Variants in SUPV3L1 observed in about 807,000 individuals in gnomAD.
SUPV3L1 encodes ATP-dependent RNA helicase SUPV3L1, mitochondrial.
A neutral mutation model predicts 70.0 loss-of-function variants in SUPV3L1; 35 were observed. The observed-to-expected ratio is 0.50, with a 90% CI of 0.38 to 0.66. The LOEUF is 0.66. SUPV3L1 is among the 30% of genes least tolerant of loss of function. The pLI is 0.00. For synonymous variants in SUPV3L1, 364 were observed against 341.9 expected (o/e 1.06, Z -0.71); for missense variants, 777 against 961.5 (o/e 0.81, Z 2.54).
intron 1 of SUPV3L1, 95 bp downstream of exon 1, chr10:69,180,657 A>T (rs1251938378): frequency 1.3e-6 from 2 of 1,503,382 alleles, no homozygotes; most frequent in East Asian, 4.5e-5. Flanking sequence ...TGGGGATCCG[A>T]GGTCCCATCG....
intron 6 of SUPV3L1, among the ~76,000 whole-genome samples, chr10:69,193,563 T>C (rs1415037381): frequency 1.3e-5 from 2 of 149,606 alleles, no homozygotes; most frequent in Non-Finnish European, 3.0e-5. Context: ...CAAACAATCC[T>C]CCTGCCTCAC....
rs1053058395 is a variant in SUPV3L1 at position 69,199,106 on chromosome 10, A to T, written c.1207A>T (p.Thr403Ser). The T allele has an allele frequency of 6.2e-7, 1 of 1,610,188 alleles. No homozygotes were observed. The highest frequency in any genetic ancestry group is 8.5e-7 in the Non-Finnish European group (1 of 1,178,826). ...AACATAAATTGTTCTTGTTTTAGGG[A>T]CCAAACTTGCTCAAGCAAAAAAGTT... ...AVIYGSLPPG[T>S]KLAQAKKFND... The change falls in exon 10 of 15, where the codon ACC becomes TCC. Residue 403 changes from threonine to serine, a missense_variant and splice_region_variant. Physicochemically the swap from Thr to Ser is moderately conservative, Grantham distance 58. Transcript: ENST00000359655.
chr10:69,187,907 T>G (rs889833847), intron 4 of SUPV3L1, 151 bp downstream of exon 4: 1 of 587,394 alleles, frequency 1.7e-6, no homozygotes, highest in Non-Finnish European at 2.9e-6. Flanking sequence ...AGTTAACTCT[T>G]TTAGGCAATT....
chr10:69,194,703 G>A (rs1411596055), intron 6 of SUPV3L1, among the ~76,000 whole-genome samples: 2 of 149,160 alleles, frequency 1.3e-5, no homozygotes, highest in Non-Finnish European at 2.9e-5. Context: ...TTGAGCCTAG[G>A]AGTTTGAAGT....
At chr10:69,202,655 A>C in intron 12 of SUPV3L1, 136 bp downstream of exon 12, 1 of 1,121,056 alleles carries the variant, frequency 8.9e-7, no homozygotes, top group Non-Finnish European at 1.3e-6. Flanking sequence ...ACAAGTGAAA[A>C]TTTTTTCTCA....
At position 69,180,303 on chromosome 10, in the gene SUPV3L1, C is replaced by T. The variant is rs1306963622; in HGVS notation, c.12C>T (p.Ser4=). Residue 4 remains serine, a synonymous_variant, in exon 1 of 15, where the codon TCC becomes TCT. Coordinates refer to ENST00000359655, the MANE Select transcript of SUPV3L1 (RefSeq NM_003171.5). MSF[S]RALLWARLPA... The stretch of plus-strand genomic sequence containing the variant: ...AACCTGCGGCCTCGATGTCCTTCTC[C>T]CGTGCCCTATTGTGGGCTCGGCTCC... The T allele has an allele frequency of 6.2e-7, 1 of 1,613,650 alleles. No homozygotes were observed. Among genetic ancestry groups the T allele is most frequent in the Non-Finnish European group, 8.5e-7 (1 of 1,179,902 alleles).
chr10:69,185,386 G>A (rs1051551012), intron 1 of SUPV3L1, among the ~76,000 whole-genome samples: 3 of 152,168 alleles, frequency 2.0e-5, no homozygotes, highest in African/African-American at 7.2e-5. Context: ...ATGACAGTGT[G>A]GCTCTCTACC....
chr10:69,188,680 A>G (rs550854778), intron 4 of SUPV3L1, among the ~76,000 whole-genome samples: 1 of 151,862 alleles, frequency 6.6e-6, no homozygotes, highest in Admixed American at 6.6e-5. Context: ...TGTATTTTTA[A>G]TAGATACGGG....
intron 13 of SUPV3L1, 141 bp from the exon 14 acceptor site, chr10:69,207,651 AG>A (rs1842865087): frequency 3.2e-6 from 3 of 930,138 alleles, no homozygotes; most frequent in Non-Finnish European, 4.7e-6. Context: ...AATGTAGAAG[AG>A]TATAAAGGAG....
chr10:69,186,172 C>T (rs1842222987), intron 2 of SUPV3L1, 108 bp downstream of exon 2: 5 of 994,168 alleles, frequency 5.0e-6, no homozygotes, highest in South Asian at 2.9e-5. Context: ...TCTGGAGACA[C>T]GTCCCTGCTC....
intron 8 of SUPV3L1, among the ~76,000 whole-genome samples, chr10:69,197,603 TCTGTTACC>T (rs1306857784): frequency 6.6e-6 from 1 of 152,176 alleles, no homozygotes; most frequent in Non-Finnish European, 1.5e-5. Context: ...AAGGTCTCAC[TCTGTTACC>T]CAGGCTGGAG....
In SUPV3L1 at chr10:69,200,327, A is replaced by G. The variant is rs765353374; in HGVS notation, c.1346A>G (p.Asn449Ser). The G allele has an allele frequency of 1.6e-5, 26 of 1,614,054 alleles. 1 individual carries two copies. The Middle Eastern group carries it at 6.6e-4, about 41-fold the overall frequency. ...TACTCCCTTATAAAGCCCAGTATCAATGAAAAGGGAGAGAGAGAACTAGAA... is the reference window on the plus strand; with the variant it reads ...TACTCCCTTATAAAGCCCAGTATCAGTGAAAAGGGAGAGAGAGAACTAGAA... ...IFYSLIKPSI[N>S]EKGERELEPI... Residue 449 changes from asparagine (N) to serine (S), a missense_variant, in exon 11 of 15, where the codon AAT becomes AGT. Physicochemically the swap from Asn to Ser is conservative, Grantham distance 46. Around this residue, in one of 2 missense-constraint regions of SUPV3L1, gnomAD observed 619 missense variants for 823.3 expected, o/e 0.75. Transcript: ENST00000359655.
intron 12 of SUPV3L1, 149 bp downstream of exon 12, chr10:69,202,668 A>G: frequency 4.6e-6 from 5 of 1,094,238 alleles, no homozygotes; most frequent in Non-Finnish European, 6.5e-6. Flanking sequence ...TTTTCTCAAA[A>G]TCTTTTGGGA....
chr10:69,202,748 C>T, intron 12 of SUPV3L1, 119 bp from the exon 13 acceptor site: 1 of 1,148,984 alleles, frequency 8.7e-7, no homozygotes, highest in East Asian at 2.4e-5. Context: ...TTAAAGCAAG[C>T]CTTTATGGAA....
intron 5 of SUPV3L1, 112 bp downstream of exon 5, chr10:69,189,547 T>G (rs1310296016): frequency 5.2e-6 from 6 of 1,159,264 alleles, no homozygotes; most frequent in Non-Finnish European, 7.0e-6. Context: ...CCATATTTCA[T>G]TGTGTCTAAG....
rs547138299 is a variant in SUPV3L1, at chr10:69,189,689, C to T, written c.741+254C>T. ...TGAGATGGAGTCTCGCTTTGTCACCCAGGCTGGAGTGCAGTGGTGCGATCT... is the reference window on the plus strand; with the variant it reads ...TGAGATGGAGTCTCGCTTTGTCACCTAGGCTGGAGTGCAGTGGTGCGATCT... On this transcript the variant is annotated intron_variant, in intron 5 of 14. Transcript: ENST00000359655. 3.3e-5 allele frequency among the ~76,000 whole-genome samples: 5 copies of T among 149,926 alleles called. No homozygotes were observed. The South Asian group carries it at 1.1e-3, about 32-fold the overall frequency.
intron 13 of SUPV3L1, 21 bp from the exon 14 acceptor site, chr10:69,207,772 C>T (rs986082946): frequency 1.2e-6 from 2 of 1,603,582 alleles, no homozygotes; most frequent in Non-Finnish European, 1.7e-6. Context: ...CTCTGAAACC[C>T]TTTTCCTCTT....
In SUPV3L1 at chr10:69,180,302, C is replaced by G. The variant is rs756564151; in HGVS notation, c.11C>G (p.Ser4Cys). 3 of 1,613,634 alleles carry G rather than the reference C, an allele frequency of 1.9e-6. No homozygotes were observed. Among genetic ancestry groups the G allele is most frequent in the Admixed American group, 1.7e-5 (1 of 60,004 alleles). ...GAACCTGCGGCCTCGATGTCCTTCTCCCGTGCCCTATTGTGGGCTCGGCTC... is the reference window on the plus strand; with the variant it reads ...GAACCTGCGGCCTCGATGTCCTTCTGCCGTGCCCTATTGTGGGCTCGGCTC... MSF[S>C]RALLWARLPA... The change falls in exon 1 of 15, where the codon TCC becomes TGC. Residue 4 changes from serine to cysteine, a missense_variant. Transcript: ENST00000359655.
At chr10:69,184,651 A>ACACACACT (rs768588865) in intron 1 of SUPV3L1, among the ~76,000 whole-genome samples, 2 of 149,272 alleles carry the variant, frequency 1.3e-5, no homozygotes, top group South Asian at 4.2e-4. Flanking sequence ...ACACACACAC[A>ACACACACT]CTGTGTGTGT....
Sources: gnomAD v4.1 joint callset for allele counts (sites outside exome capture counted in the v4.1 genomes callset) on GRCh38, gnomAD v4.1.1 for gene constraint, gnomAD v4.1.1 regional missense constraint, MANE v1.5 for transcripts, NCBI Gene and HGNC (gene_info 2026-07-23, HGNC 2026-07-21) for gene names.